The following CNTNAP2 variants were observed in gnomAD, a reference collection of about 807,000 sequenced individuals.
CNTNAP2 encodes contactin-associated protein-like 2.
CNTNAP2 carries 98 observed loss-of-function variants against 155.2 expected under a neutral mutation model. The ratio of observed to expected loss-of-function variants is 0.63; its 90% confidence interval spans 0.54 to 0.75. The LOEUF is 0.75. Ranked by LOEUF, CNTNAP2 falls within the 30% of genes least tolerant of loss-of-function variation. The pLI, the probability that CNTNAP2 is intolerant of heterozygous loss-of-function variation, is 0.00. For synonymous variants in CNTNAP2, 651 were observed against 631.2 expected, an observed-to-expected ratio of 1.03 and a Z score of -0.47; for missense variants, 1,727 against 1,688.1, an observed-to-expected ratio of 1.02 and a Z score of -0.40.
At chr7:148,092,899 A>C (rs1227647356) in intron 15 of CNTNAP2, among the ~76,000 whole-genome samples, 3 of 145,228 alleles carry the variant, frequency 2.1e-5, no homozygotes, top group Admixed American at 2.0e-4. Context: ...AAAAAAAAAA[A>C]CAACCACAAA....
intron 15 of CNTNAP2, among the ~76,000 whole-genome samples, chr7:148,008,370 TCAAACAAA>T (rs749699667): frequency 6.6e-6 from 1 of 152,096 alleles, no homozygotes; most frequent in Non-Finnish European, 1.5e-5. Flanking sequence ...AGACTCCATC[TCAAACAAA>T]CAAACAAACA....
intron 13 of CNTNAP2, among the ~76,000 whole-genome samples, chr7:147,766,729 G>C (rs996328193): frequency 6.6e-6 from 1 of 151,956 alleles, no homozygotes; most frequent in Non-Finnish European, 1.5e-5. Context: ...ACAAAATTTC[G>C]AAGGAACGGA....
At chr7:146,742,110 C>T (rs1438290590) in intron 1 of CNTNAP2, among the ~76,000 whole-genome samples, 1 of 150,648 alleles carries the variant, frequency 6.6e-6, no homozygotes, top group Admixed American at 6.6e-5. Flanking sequence ...GGCAGTGTTC[C>T]AGTGAGCCAG....
intron 1 of CNTNAP2, among the ~76,000 whole-genome samples, chr7:146,719,088 T>C (rs1407530799): frequency 6.6e-6 from 1 of 152,232 alleles, no homozygotes; most frequent in Admixed American, 6.5e-5. Context: ...TTTTGTTAAA[T>C]TGAATCTACT....
At chr7:148,364,984 C>G (rs568116952) in intron 21 of CNTNAP2, among the ~76,000 whole-genome samples, 1 of 152,204 alleles carries the variant, frequency 6.6e-6, no homozygotes, top group Non-Finnish European at 1.5e-5. Context: ...GGAAGAAACT[C>G]CGAACACATC....
chr7:146,147,508 T>C (rs972951980), intron 1 of CNTNAP2, among the ~76,000 whole-genome samples: 1 of 152,174 alleles, frequency 6.6e-6, no homozygotes, highest in East Asian at 1.9e-4. Context: ...GCTTTCGTAA[T>C]GCAGATGATT....
intron 1 of CNTNAP2, among the ~76,000 whole-genome samples, chr7:146,329,431 G>T (rs1381667905): frequency 6.6e-6 from 1 of 152,066 alleles, no homozygotes; most frequent in Non-Finnish European, 1.5e-5. Context: ...CTGCCCATTT[G>T]TATCTTTGCC....
At chr7:146,145,074 A>G (rs1797938523) in intron 1 of CNTNAP2, among the ~76,000 whole-genome samples, 1 of 152,198 alleles carries the variant, frequency 6.6e-6, no homozygotes, top group Admixed American at 6.5e-5. Context: ...AAGCCCCCAG[A>G]CAGTGACTCT....
intron 10 of CNTNAP2, among the ~76,000 whole-genome samples, chr7:147,457,574 T>G (rs1398264830): frequency 9.2e-5 from 14 of 151,986 alleles, no homozygotes; most frequent in Non-Finnish European, 1.6e-4. Flanking sequence ...TTTTTCCTGT[T>G]TTTCTTATAT....
intron 1 of CNTNAP2, among the ~76,000 whole-genome samples, chr7:146,308,947 G>T (rs1800770843): frequency 6.6e-6 from 1 of 151,960 alleles, no homozygotes; most frequent in Non-Finnish European, 1.5e-5. Context: ...TGCATGTTGT[G>T]CACATGTACC....
At position 148,392,068 on chromosome 7, in the gene CNTNAP2, C is replaced by G. The variant is rs558289777; in HGVS notation, c.3715+8180C>G. Among the ~76,000 whole-genome samples the G allele has an allele frequency of 6.7e-4, 102 of 152,186 alleles. 1 individual carries two copies. The highest frequency in any genetic ancestry group is 2.3e-3 in the African/African-American group (97 of 41,526). On this transcript the variant is annotated intron_variant, in intron 22 of 23. Transcript: ENST00000361727. ...GATCCTCTAGTTGTAAAGATTGCAG[C>G]TAGTTGTTGTTGTTATTATTATTTG...
At chr7:146,939,066 A>T (rs139855801) in intron 3 of CNTNAP2, among the ~76,000 whole-genome samples, 1 of 152,096 alleles carries the variant, frequency 6.6e-6, no homozygotes, top group Non-Finnish European at 1.5e-5. Flanking sequence ...GAGGAAAAAT[A>T]TTTATCACTG....
intron 2 of CNTNAP2, among the ~76,000 whole-genome samples, chr7:146,794,403 A>T (rs991512371): frequency 6.6e-6 from 1 of 152,220 alleles, no homozygotes; most frequent in Non-Finnish European, 1.5e-5. Context: ...TTTAATAATT[A>T]CAAGAGAATG....
chr7:148,123,620 A>C, intron 16 of CNTNAP2, among the ~76,000 whole-genome samples: 1 of 143,954 alleles, frequency 6.9e-6, no homozygotes, highest in Non-Finnish European at 1.5e-5. Flanking sequence ...GAAGGGAGAC[A>C]AGGAAGGGAG....
At chr7:147,395,266 G>T (rs1796794665) in intron 9 of CNTNAP2, among the ~76,000 whole-genome samples, 2 of 151,998 alleles carry the variant, frequency 1.3e-5, no homozygotes, top group Non-Finnish European at 2.9e-5. Context: ...ATCTCTGAGG[G>T]CTGGCTCAGC....
Position 147,395,728 on chromosome 7 carries a change from A to G in CNTNAP2, c.1618A>G (p.Lys540Glu). The G allele has an allele frequency of 6.2e-7, 1 of 1,612,590 alleles. No homozygotes were observed. The highest frequency in any genetic ancestry group is 8.5e-7 in the Non-Finnish European group (1 of 1,178,906). The change falls in exon 10 of 24, where the codon AAG (lysine) becomes GAG (glutamate). Residue 540 changes from lysine (K) to glutamate (E), a missense_variant. Physicochemically the swap from Lys to Glu is moderately conservative, Grantham distance 56. Coordinates refer to ENST00000361727, the MANE Select transcript of CNTNAP2 (RefSeq NM_014141.6). ...LVNLYEVAQR[K>E]PGSFANVSID... ...AAATTTATACGAAGTGGCACAAAGG[A>G]AGCCGGGAAGTTTCGCGAATGTCAG...
chr7:147,492,685 C>A (rs1442685047), intron 11 of CNTNAP2, among the ~76,000 whole-genome samples: 1 of 152,120 alleles, frequency 6.6e-6, no homozygotes, highest in Non-Finnish European at 1.5e-5. Flanking sequence ...AGAAAAATGA[C>A]TGTCTCCATA....
intron 1 of CNTNAP2, among the ~76,000 whole-genome samples, chr7:146,119,558 G>A (rs932920058): frequency 6.6e-6 from 1 of 152,074 alleles, no homozygotes; most frequent in African/African-American, 2.4e-5. Context: ...GTAGATACAC[G>A]GGACACACGT....
At chr7:146,366,359 G>A (rs1795155469) in intron 1 of CNTNAP2, among the ~76,000 whole-genome samples, 1 of 151,974 alleles carries the variant, frequency 6.6e-6, no homozygotes, top group Non-Finnish European at 1.5e-5. Flanking sequence ...TTCTAATCAA[G>A]TATAAGTTAT....
Sources: allele counts gnomAD v4.1 joint callset (sites outside exome capture counted in the v4.1 genomes callset), GRCh38; gene constraint gnomAD v4.1.1; transcripts MANE v1.5; gene names NCBI Gene and HGNC (gene_info 2026-07-23, HGNC 2026-07-21).